Variants in FRAS1 observed in about 807,000 individuals in gnomAD.
The protein encoded by FRAS1 is extracellular matrix organizing protein FRAS1.
Under a neutral mutation model 435.2 loss-of-function variants are expected in FRAS1, and 290 were observed. That is an observed-to-expected ratio of 0.67 (90% confidence interval 0.61 to 0.73). FRAS1 has a LOEUF of 0.73. Among genes scored for constraint, FRAS1 ranks in the 30% least tolerant of loss-of-function variants. The pLI is 0.00. For missense variants in FRAS1, 4,860 were observed against 5,001.5 expected, an observed-to-expected ratio of 0.97 and a Z score of 0.85; for synonymous variants, 1,800 against 1,851.0, an observed-to-expected ratio of 0.97 and a Z score of 0.71.
chr4:78,318,839 G>C lies in FRAS1; in HGVS notation c.1990G>C (p.Gly664Arg), dbSNP rs976670106. 4 of 1,604,132 alleles carry C rather than the reference G, an allele frequency of 2.5e-6. No individual in the cohort carries two copies. The highest frequency in any genetic ancestry group is 1.3e-5 in the African/African-American group (1 of 74,550). The change falls in exon 18 of 74, where the codon GGT becomes CGT. Residue 664 changes from glycine to arginine, a missense_variant. Transcript: ENST00000512123. Reference protein sequence around the residue: ...ACHSSCLACMGPAPSHCTGCK... With the variant: ...ACHSSCLACMRPAPSHCTGCK... ...TCACTCCTCCTGCCTGGCTTGTATG[G>C]GTCCCGCACCCTCTCACTGTACTGG...
At position 78,438,884 on chromosome 4, in the gene FRAS1, C is replaced by A. The variant is rs1461107155; in HGVS notation, c.5367-18C>A. 3 of 1,587,348 alleles carry A rather than the reference C, an allele frequency of 1.9e-6. No homozygotes were observed. The highest frequency in any genetic ancestry group is 2.2e-5 in the East Asian group (1 of 44,652). Reference sequence around the variant, plus strand: ...GTCATCGTGGCTTATTCATTTGATTCTTTTTGTTTTTTTATAGATACTCAG... The same window carrying A: ...GTCATCGTGGCTTATTCATTTGATTATTTTTGTTTTTTTATAGATACTCAG... On this transcript the variant is annotated intron_variant, in intron 39 of 73. Coordinates refer to ENST00000512123, the MANE Select transcript of FRAS1 (RefSeq NM_025074.7).
At chr4:78,204,355 A>G (rs1025442555) in intron 2 of FRAS1, among the ~76,000 whole-genome samples, 14 of 152,240 alleles carry the variant, frequency 9.2e-5, no homozygotes, top group African/African-American at 3.4e-4. Context: ...AGTACTGTGC[A>G]GTCATGTTAT....
At chr4:78,185,281 T>G (rs944743455) in intron 2 of FRAS1, among the ~76,000 whole-genome samples, 1 of 152,244 alleles carries the variant, frequency 6.6e-6, no homozygotes, top group Non-Finnish European at 1.5e-5. Flanking sequence ...GTCAACTGAC[T>G]GAAGGGGTTT....
At chr4:78,215,439 C>T (rs1398021686) in intron 2 of FRAS1, among the ~76,000 whole-genome samples, 1 of 152,150 alleles carries the variant, frequency 6.6e-6, no homozygotes, top group African/African-American at 2.4e-5. Flanking sequence ...CGTGATCTGC[C>T]TGCCTTGGCC....
intron 2 of FRAS1, among the ~76,000 whole-genome samples, chr4:78,234,375 G>A (rs1436691644): frequency 6.6e-6 from 1 of 152,012 alleles, no homozygotes; most frequent in African/African-American, 2.4e-5. Context: ...ACAGGCACCC[G>A]CCACTGCGCC....
At chr4:78,507,108 C>T (rs1261664763) in intron 61 of FRAS1, among the ~76,000 whole-genome samples, 6 of 152,128 alleles carry the variant, frequency 3.9e-5, no homozygotes, top group African/African-American at 1.4e-4. Flanking sequence ...AACTCATAAC[C>T]AGGGTGAAGT....
intron 72 of FRAS1, 148 bp downstream of exon 72, chr4:78,537,348 AAT>A (rs1249417525): frequency 1.3e-6 from 1 of 741,750 alleles, no homozygotes; most frequent in Non-Finnish European, 2.2e-6. Flanking sequence ...AGATCAGCTA[AAT>A]ACTAGTACAT....
At chr4:78,516,973 G>A (rs17470289) in intron 66 of FRAS1, among the ~76,000 whole-genome samples, 71,315 of 151,984 alleles carry the variant, frequency 0.47, 16,877 homozygotes, top group South Asian at 0.58. Context: ...AGAGAAGGGC[G>A]GTTATATCAA....
At position 78,258,649 on chromosome 4, in the gene FRAS1, A is replaced by C. The variant is rs1449000747; in HGVS notation, c.603+3274A>C. On this transcript the variant is annotated intron_variant, in intron 6 of 73. Transcript: ENST00000512123. The stretch of plus-strand genomic sequence containing the variant: ...TTTTTTTTTTTTTAGATATTCTTTA[A>C]ATTTTTATTTTTTTCATCCTTTTTT... 5.0e-5 allele frequency among the ~76,000 whole-genome samples: 7 copies of C among 139,144 alleles called. No homozygotes were observed. The East Asian group carries it at 1.5e-3, about 29-fold the overall frequency. The allele number at this position is 139,144 out of a possible 152,430, so 91.3% of individuals were successfully genotyped here. A position where few individuals can be genotyped will look rare whatever the true frequency, so the allele number is the denominator to read the frequency against.
At chr4:78,310,722 T>A (rs978116500) in intron 15 of FRAS1, among the ~76,000 whole-genome samples, 1 of 152,258 alleles carries the variant, frequency 6.6e-6, no homozygotes, top group South Asian at 2.1e-4. Context: ...CACAGAAATA[T>A]GTTCTAAAAC....
intron 2 of FRAS1, among the ~76,000 whole-genome samples, chr4:78,095,821 C>G (rs978294520): frequency 6.6e-6 from 1 of 152,160 alleles, no homozygotes; most frequent in African/African-American, 2.4e-5. Flanking sequence ...ATTATGGGAG[C>G]TAAAAGATGA....
chr4:78,391,862 G>A (rs1384299461), intron 29 of FRAS1, among the ~76,000 whole-genome samples: 4 of 152,178 alleles, frequency 2.6e-5, no homozygotes, highest in Non-Finnish European at 4.4e-5. Flanking sequence ...CAGGGACACA[G>A]TTGGTTTGAT....
intron 2 of FRAS1, among the ~76,000 whole-genome samples, chr4:78,202,743 T>C (rs1340016804): frequency 6.6e-6 from 1 of 152,202 alleles, no homozygotes; most frequent in Non-Finnish European, 1.5e-5. Flanking sequence ...TCTGTTTTAA[T>C]TGGTCTGGTG....
intron 5 of FRAS1, among the ~76,000 whole-genome samples, chr4:78,254,732 G>C (rs556312433): frequency 6.8e-6 from 1 of 147,190 alleles, no homozygotes; most frequent in East Asian, 2.1e-4. Flanking sequence ...CAAAAAGAAA[G>C]AGGAGAAAAA....
Position 78,337,609 on chromosome 4 carries a change from T to G in FRAS1, c.2279-65T>G. ...TTTTAATGTAATTTGTGGAATGCAT[T>G]AAATACTTCACGCATATACATGCTG... is the stretch of plus-strand genomic sequence containing the variant. On this transcript the variant is annotated intron_variant, in intron 19 of 73. Transcript: ENST00000512123. 5.2e-6 allele frequency: 8 copies of G among 1,531,772 alleles called. No homozygotes were observed. In the South Asian group the frequency reaches 7.3e-5, roughly 14 times the overall value. The allele number at this position is 1,531,772 out of a possible 1,614,324, so 94.9% of individuals were successfully genotyped here.
Position 78,448,176 on chromosome 4 carries a change from C to G in FRAS1, c.6134C>G (p.Pro2045Arg). 6.2e-7 allele frequency: 1 copy of G among 1,613,664 alleles called. No homozygotes were observed. The highest frequency in any genetic ancestry group is 8.5e-7 in the Non-Finnish European group (1 of 1,179,826). The change falls in exon 44 of 74, where the codon CCT becomes CGT. Residue 2045 changes from proline (P) to arginine (R), a missense_variant. Pro to Arg is a moderately radical substitution (Grantham distance 103). Coordinates refer to ENST00000512123, the MANE Select transcript of FRAS1 (RefSeq NM_025074.7). Reference sequence around the variant, plus strand: ...CTGGTTGGGTATGTGCCTAGTGTCCCTGGCATGGTCGTGGATGAGTTCCAG... The same window carrying G: ...CTGGTTGGGTATGTGCCTAGTGTCCGTGGCATGGTCGTGGATGAGTTCCAG... Reference protein sequence around the residue: ...AGLVGYVPSVPGMVVDEFQFS... With the variant: ...AGLVGYVPSVRGMVVDEFQFS...
At chr4:78,294,896 A>C (rs971794231) in intron 14 of FRAS1, among the ~76,000 whole-genome samples, 13 of 152,360 alleles carry the variant, frequency 8.5e-5, no homozygotes, top group African/African-American at 2.6e-4. Context: ...GGTATAATAA[A>C]AAGTCAGCTA....
chr4:78,520,784 C>T (rs58475202), intron 67 of FRAS1, among the ~76,000 whole-genome samples: 3,788 of 152,284 alleles, frequency 0.025, 151 homozygotes, highest in African/African-American at 0.087. Flanking sequence ...GTAGAACCTA[C>T]AGATACAAAG....
Position 78,129,161 on chromosome 4 carries a change from T to C in FRAS1, c.108+63145T>C, listed in dbSNP as rs1031716059. On this transcript the variant is annotated intron_variant, in intron 2 of 73. Coordinates refer to ENST00000512123, the MANE Select transcript of FRAS1 (RefSeq NM_025074.7). Reference sequence around the variant, plus strand: ...CATGCTGTTTTGGTTACTGTAGCCTTGTAGAATAGTTTGAAGTCAGGTAGC... The same window carrying C: ...CATGCTGTTTTGGTTACTGTAGCCTCGTAGAATAGTTTGAAGTCAGGTAGC... 4.6e-5 allele frequency among the ~76,000 whole-genome samples: 7 copies of C among 152,340 alleles called. No individual in the cohort carries two copies. The East Asian group carries it at 5.8e-4, about 13-fold the overall frequency.
Sources: allele counts gnomAD v4.1 joint callset (sites outside exome capture counted in the v4.1 genomes callset), GRCh38; gene constraint gnomAD v4.1.1; transcripts MANE v1.5; gene names NCBI Gene and HGNC (gene_info 2026-07-23, HGNC 2026-07-21).